The following ALDH1A2 variants were observed in gnomAD, a reference collection of about 807,000 sequenced individuals.
The protein encoded by ALDH1A2 is aldehyde dehydrogenase 1 family member A2.
ALDH1A2 carries 27 observed loss-of-function variants against 60.3 expected under a neutral mutation model. The ratio of observed to expected loss-of-function variants is 0.45; its 90% CI spans 0.33 to 0.62. The LOEUF (loss-of-function observed/expected upper bound fraction) is 0.62, where lower values mean the gene tolerates loss of function less well. Ranked by LOEUF, ALDH1A2 falls within the 20% of genes least tolerant of loss-of-function variation. The pLI is 0.02. For missense variants in ALDH1A2, 581 were observed against 643.8 expected, an observed-to-expected ratio of 0.90 and a Z score of 1.06; for synonymous variants, 289 against 232.4, an observed-to-expected ratio of 1.24 and a Z score of -2.21.
intron 1 of ALDH1A2, among the ~76,000 whole-genome samples, chr15:58,028,440 A>T (rs1198074383): frequency 6.6e-6 from 1 of 152,108 alleles, no homozygotes; most frequent in Non-Finnish European, 1.5e-5. Context: ...CAGCCACTGC[A>T]AAAAACATGC....
intron 7 of ALDH1A2, among the ~76,000 whole-genome samples, chr15:57,972,181 T>C (rs943202109): frequency 6.6e-6 from 1 of 152,156 alleles, no homozygotes; most frequent in East Asian, 1.9e-4. Flanking sequence ...GGTCAAGAAA[T>C]GACTTGCAAA....
intron 7 of ALDH1A2, among the ~76,000 whole-genome samples, chr15:57,966,105 T>G (rs1168590584): frequency 1.3e-5 from 2 of 152,242 alleles, no homozygotes; most frequent in Non-Finnish European, 2.9e-5. Context: ...AAGATTTCTC[T>G]AAAGACAACT....
intron 8 of ALDH1A2, among the ~76,000 whole-genome samples, chr15:57,965,159 T>C (rs1893853479): frequency 2.0e-5 from 3 of 152,176 alleles, no homozygotes; most frequent in Admixed American, 6.5e-5. Context: ...TCTAAGCCTC[T>C]GTAAGGTCCT....
At chr15:58,012,632 A>C (rs553427517) in intron 3 of ALDH1A2, among the ~76,000 whole-genome samples, 3 of 152,288 alleles carry the variant, frequency 2.0e-5, no homozygotes, top group African/African-American at 7.2e-5. Context: ...AGTATTCCCT[A>C]GAGTGCCAGA....
Position 57,969,941 on chromosome 15 carries a change from T to C in ALDH1A2, c.799-4114A>G, listed in dbSNP as rs564659969. On this transcript the variant is annotated intron_variant, in intron 7 of 12. Coordinates refer to ENST00000249750, the MANE Select transcript of ALDH1A2 (RefSeq NM_003888.4). ...TGGTACTACAAACTCTGGCTTCTAATGAATCTTCAATTTGGGAAAGCCACT... is the reference window on the plus strand; with the variant it reads ...TGGTACTACAAACTCTGGCTTCTAACGAATCTTCAATTTGGGAAAGCCACT... Among the ~76,000 whole-genome samples, 55 of 152,330 alleles carry C rather than the reference T, an allele frequency of 3.6e-4. No individual in the cohort carries two copies. The South Asian group carries it at 8.1e-3, about 22-fold the overall frequency.
intron 1 of ALDH1A2, among the ~76,000 whole-genome samples, chr15:58,032,248 T>C (rs1438706868): frequency 4.6e-5 from 7 of 151,754 alleles, no homozygotes; most frequent in African/African-American, 1.2e-4. Context: ...AGCAAACTAT[T>C]GCAAGGACGA....
chr15:57,992,801 C>G lies in ALDH1A2; in HGVS notation c.702G>C (p.Gly234=), dbSNP rs1894938680. The G allele has an allele frequency of 6.2e-7, 1 of 1,614,058 alleles. No homozygotes were observed. The highest frequency in any genetic ancestry group is 8.5e-7 in the Non-Finnish European group (1 of 1,179,972). ...CATATCCTGGCAAAATATTGATGAC[C>G]CCGGGAGGAAAGCCAGCCTAAGAAA... is the stretch of plus-strand genomic sequence containing the variant. ...ALIKEAGFPP[G]VINILPGYGP... The change falls in exon 7 of 13, where the codon GGG becomes GGC. Residue 234 remains glycine (G), a synonymous_variant. Coordinates refer to ENST00000249750, the MANE Select transcript of ALDH1A2 (RefSeq NM_003888.4).
chr15:58,013,775 A>G (rs1380960507), intron 3 of ALDH1A2, 83 bp downstream of exon 3: 1 of 1,523,666 alleles, frequency 6.6e-7, no homozygotes, highest in African/African-American at 1.4e-5. Flanking sequence ...AATAAAAATA[A>G]AATAAAATAC....
intron 7 of ALDH1A2, among the ~76,000 whole-genome samples, chr15:57,978,484 A>G (rs1220106060): frequency 6.6e-6 from 1 of 152,200 alleles, no homozygotes; most frequent in African/African-American, 2.4e-5. Context: ...GATATATTAC[A>G]TTTATTGATC....
intron 12 of ALDH1A2, among the ~76,000 whole-genome samples, chr15:57,957,928 C>T (rs1409206071): frequency 1.5e-4 from 22 of 144,462 alleles, no homozygotes; most frequent in African/African-American, 5.0e-4. Flanking sequence ...TGGGTGGGAG[C>T]GGGTCACCGG....
intron 1 of ALDH1A2, among the ~76,000 whole-genome samples, chr15:58,062,251 G>A (rs1028743384): frequency 6.6e-6 from 1 of 152,114 alleles, no homozygotes; most frequent in East Asian, 1.9e-4. Context: ...TGTTAGTTAT[G>A]GGCATAAACT....
At chr15:57,966,844 A>G (rs1250728190) in intron 7 of ALDH1A2, among the ~76,000 whole-genome samples, 1 of 152,188 alleles carries the variant, frequency 6.6e-6, no homozygotes, top group Non-Finnish European at 1.5e-5. Context: ...CCTGCAAGCT[A>G]AACTCCAACT....
intron 4 of ALDH1A2, among the ~76,000 whole-genome samples, chr15:58,003,992 C>G (rs549459448): frequency 6.6e-6 from 1 of 151,612 alleles, no homozygotes; most frequent in Non-Finnish European, 1.5e-5. Flanking sequence ...GTGAATCAAA[C>G]TAGTATTGCA....
rs1897162580 is a variant in ALDH1A2, at chr15:58,065,700, T to G, written c.-50A>C. The G allele has an allele frequency of 7.5e-7, 1 of 1,335,968 alleles. No individual in the cohort carries two copies. Among genetic ancestry groups the G allele is most frequent in the African/African-American group, 1.5e-5 (1 of 66,706 alleles). The allele number at this position is 1,335,968 out of a possible 1,614,324, so 82.8% of individuals were successfully genotyped here. On this transcript the variant is annotated 5_prime_UTR_variant, in exon 1 of 13. Coordinates refer to ENST00000249750, the MANE Select transcript of ALDH1A2 (RefSeq NM_003888.4). ...CCGCGGCGTGGGGCAGTGCGGGCTG[T>G]GCGCGCGGTCCGCGGCCCGGGGGCG...
intron 1 of ALDH1A2, among the ~76,000 whole-genome samples, chr15:58,057,075 A>G (rs1405293867): frequency 6.6e-6 from 1 of 152,144 alleles, no homozygotes; most frequent in Non-Finnish European, 1.5e-5. Flanking sequence ...TTAGGTATAC[A>G]TCCTAGATGC....
intron 3 of ALDH1A2, 114 bp downstream of exon 3, chr15:58,013,744 T>C: frequency 1.4e-6 from 2 of 1,392,480 alleles, no homozygotes; most frequent in Non-Finnish European, 1.9e-6. Context: ...AGAGCTAGAC[T>C]CCGTCTCAAA....
At chr15:58,059,726 G>C (rs1234224120) in intron 1 of ALDH1A2, among the ~76,000 whole-genome samples, 1 of 152,078 alleles carries the variant, frequency 6.6e-6, no homozygotes, top group African/African-American at 2.4e-5. Context: ...AAATGCTTTA[G>C]TAACTTTTTT....
intron 1 of ALDH1A2, among the ~76,000 whole-genome samples, chr15:58,050,555 T>C (rs1163932380): frequency 2.0e-5 from 3 of 152,206 alleles, no homozygotes; most frequent in Admixed American, 6.5e-5. Context: ...GGATGTTGTA[T>C]GTGTTCCAAG....
intron 4 of ALDH1A2, among the ~76,000 whole-genome samples, chr15:58,009,990 G>C (rs1444487372): frequency 3.3e-5 from 5 of 152,038 alleles, no homozygotes; most frequent in Non-Finnish European, 7.4e-5. Context: ...CTACAGCACT[G>C]ACAGGTAAAG....
Sources: allele counts gnomAD v4.1 joint callset (sites outside exome capture counted in the v4.1 genomes callset), GRCh38; gene constraint gnomAD v4.1.1; transcripts MANE v1.5; gene names NCBI Gene and HGNC (gene_info 2026-07-23, HGNC 2026-07-21).